ERFE: variants seen among roughly 807,000 people sequenced by gnomAD.
The protein encoded by ERFE is erythroferrone.
Under a neutral mutation model 26.6 loss-of-function variants are expected in ERFE, and 25 were observed. The ratio of observed to expected loss-of-function variants is 0.94; its 90% CI spans 0.69 to 1.31. The LOEUF (loss-of-function observed/expected upper bound fraction) is 1.31. Ranked by LOEUF, ERFE falls within the 40% of genes most tolerant of loss-of-function variation. ERFE has a pLI of 0.00. For missense variants in ERFE, 447 were observed against 440.2 expected (o/e 1.02, Z -0.14); for synonymous variants, 206 against 204.5 (o/e 1.01, Z -0.06).
chr2:238,162,934 G>T (rs559794971), intron 3 of ERFE, 96 bp downstream of exon 3: 2 of 961,774 alleles, frequency 2.1e-6, no homozygotes, highest in Admixed American at 5.1e-5. Context: ...TCAACACTTC[G>T]GCGGGCACCC....
chr2:238,162,919 C>A, intron 3 of ERFE, 81 bp downstream of exon 3: 2 of 1,123,100 alleles, frequency 1.8e-6, no homozygotes, highest in South Asian at 1.5e-5. Context: ...CTGACAGGGC[C>A]AACCTCAACA....
chr2:238,161,468 C>A, intron 1 of ERFE, 126 bp from the exon 2 acceptor site: 1 of 1,255,336 alleles, frequency 8.0e-7, no homozygotes, highest in East Asian at 2.8e-5. Context: ...TTTGAGGGCA[C>A]CACAGGTGAC....
intron 2 of ERFE, among the ~76,000 whole-genome samples, chr2:238,162,394 G>A (rs1692951622): frequency 6.6e-6 from 1 of 152,208 alleles, no homozygotes; most frequent in Non-Finnish European, 1.5e-5. Context: ...TGCTGATGGT[G>A]GACTCGGGCC....
chr2:238,162,857 T>C lies in ERFE; in HGVS notation c.424+19T>C, dbSNP rs1257110904. ...CTGAAAGGTAGGGGTGTGCACCGGC[T>C]GGGACACACACACCCCGCTGTGAGC... is the stretch of plus-strand genomic sequence containing the variant. On this transcript the variant is annotated intron_variant, in intron 3 of 7. Coordinates refer to ENST00000546354, the MANE Select transcript of ERFE (RefSeq NM_001291832.2). 1.3e-6 allele frequency: 2 copies of C among 1,527,674 alleles called. No homozygotes were observed. The highest frequency in any genetic ancestry group is 1.8e-6 in the Non-Finnish European group (2 of 1,127,488). 94.6% of individuals were successfully genotyped at this position (1,527,674 alleles called of 1,614,324 possible). A position where few individuals can be genotyped will look rare whatever the true frequency, so the allele number is the denominator to read the frequency against.
intron 7 of ERFE, 80 bp downstream of exon 7, chr2:238,165,764 G>A: frequency 7.6e-7 from 1 of 1,312,812 alleles, no homozygotes; most frequent in Non-Finnish European, 1.1e-6. Flanking sequence ...GGTGCTGTTA[G>A]ATGCTCAGGA....
rs973518743 is a variant in ERFE at position 238,164,283 on chromosome 2, G to A, written c.810G>A (p.Pro270=). 46 of 1,508,202 alleles carry A rather than the reference G, an allele frequency of 3.0e-5. No homozygotes were observed. In the African/African-American group the frequency reaches 5.6e-4, roughly 18 times the overall value. The allele number at this position is 1,508,202 out of a possible 1,614,324, so 93.4% of individuals were successfully genotyped here. The part of the protein sequence containing the change: ...AATLHVALGE[P]PRRGPPRPRD... ...CCTCCCCCGCAGCGCTCGGGGAGCC[G>A]CCGAGGAGGGGGCCGCCGCGCCCCC... The change falls in exon 6 of 8, where the codon CCG becomes CCA. Residue 270 remains proline, a synonymous_variant. Transcript: ENST00000546354.
chr2:238,162,914 A>G, intron 3 of ERFE, 76 bp downstream of exon 3: 2 of 1,198,526 alleles, frequency 1.7e-6, no homozygotes, highest in South Asian at 1.5e-5. Flanking sequence ...AGGAGCTGAC[A>G]GGGCCAACCT....
At chr2:238,163,713 C>A (rs549028065) in intron 3 of ERFE, 24 bp from the exon 4 acceptor site, 2 of 1,278,270 alleles carry the variant, frequency 1.6e-6, no homozygotes, top group South Asian at 2.6e-5. Context: ...CCCTGGCGCG[C>A]GGCCACCGCT....
rs1183075447 is a variant in ERFE, at chr2:238,167,421, CCT to C, written c.*372_*373del. ...CCTGTGCCCAGCCCCACCTTTTCCACCTCTCTTCATGTTCTCATGGAGTGCAA... is the reference window on the plus strand; with the variant it reads ...CCTGTGCCCAGCCCCACCTTTTCCACCTCTTCATGTTCTCATGGAGTGCAA... On this transcript the variant is annotated 3_prime_UTR_variant, in exon 8 of 8. Transcript: ENST00000546354. 4 of 527,526 alleles carry C rather than the reference CCT, an allele frequency of 7.6e-6. No individual in the cohort carries two copies. Among genetic ancestry groups the C allele is most frequent in the East Asian group, 9.8e-5 (2 of 20,366 alleles). The allele number at this position is 527,526 out of a possible 1,614,324, so 32.7% of individuals were successfully genotyped here.
chr2:238,167,295 A>G lies in ERFE; in HGVS notation c.*241A>G, dbSNP rs1231759650. 21 of 694,546 alleles carry G rather than the reference A, an allele frequency of 3.0e-5. No homozygotes were observed. In the East Asian group the frequency reaches 5.5e-4, roughly 18 times the overall value. 43.0% of individuals were successfully genotyped at this position (694,546 alleles called of 1,614,324 possible). ...CACCATCTTGGGCTCTTATCCAGGA[A>G]AGAAAGAGTCGGCGTGCCTGGGGGC... On this transcript the variant is annotated 3_prime_UTR_variant, in exon 8 of 8. Transcript: ENST00000546354.
intron 6 of ERFE, 76 bp downstream of exon 6, chr2:238,164,436 T>G: frequency 7.0e-7 from 1 of 1,425,996 alleles, no homozygotes; most frequent in Non-Finnish European, 9.6e-7. Context: ...AAACAGGCAC[T>G]GGACGGGGCT....
chr2:238,163,710 G>T lies in ERFE; in HGVS notation c.425-27G>T, dbSNP rs758546909. On this transcript the variant is annotated intron_variant, in intron 3 of 7. Coordinates refer to ENST00000546354, the MANE Select transcript of ERFE (RefSeq NM_001291832.2). ...GGCGGGCGGGTGAGGGGTCCCTGGC[G>T]CGCGGCCACCGCTCGCTCTGTGCCA... 6 of 1,276,982 alleles carry T rather than the reference G, an allele frequency of 4.7e-6. 1 individual carries two copies. In the South Asian group the frequency reaches 1.6e-4, roughly 34 times the overall value. The allele number at this position is 1,276,982 out of a possible 1,614,324, so 79.1% of individuals were successfully genotyped here.
In ERFE at chr2:238,163,874, C is replaced by T. The variant is rs1389566435; in HGVS notation, c.562C>T (p.Leu188=). Residue 188 remains leucine, a synonymous_variant, in exon 4 of 8, where the codon CTG becomes TTG. Transcript: ENST00000546354. ...DDDVVGDVLA[L]LAAPLAPGPR... ...CGACGTGGTGGGGGACGTGCTGGCACTGCTGGCCGCGCCCCTGGCCCCGGG... is the reference window on the plus strand; with the variant it reads ...CGACGTGGTGGGGGACGTGCTGGCATTGCTGGCCGCGCCCCTGGCCCCGGG... 7.6e-7 allele frequency: 1 copy of T among 1,316,446 alleles called. No homozygotes were observed. The highest frequency in any genetic ancestry group is 4.2e-5 in the Admixed American group (1 of 23,854). The allele number at this position is 1,316,446 out of a possible 1,614,324, so 81.5% of individuals were successfully genotyped here. A position where few individuals can be genotyped will look rare whatever the true frequency, so the allele number is the denominator to read the frequency against.
chr2:238,160,684 C>A (rs1381859898), intron 1 of ERFE, among the ~76,000 whole-genome samples: 1 of 152,182 alleles, frequency 6.6e-6, no homozygotes, highest in Non-Finnish European at 1.5e-5. Flanking sequence ...TGCATCCCCC[C>A]AGATCAGCCA....
chr2:238,168,214 T>G lies in ERFE; in HGVS notation c.*1160T>G. 2.8e-6 allele frequency: 1 copy of G among 355,492 alleles called. No individual in the cohort carries two copies. The highest frequency in any genetic ancestry group is 5.8e-6 in the Non-Finnish European group (1 of 172,882). The allele number at this position is 355,492 out of a possible 1,614,324, so 22.0% of individuals were successfully genotyped here. A position where few individuals can be genotyped will look rare whatever the true frequency, so the allele number is the denominator to read the frequency against. On this transcript the variant is annotated 3_prime_UTR_variant, in exon 8 of 8. Transcript: ENST00000546354. ...AGCTCTCATGAGGACACACAGGCTGTGAGCCCGCAGCCTCCTCAAATGTAG... is the reference window on the plus strand; with the variant it reads ...AGCTCTCATGAGGACACACAGGCTGGGAGCCCGCAGCCTCCTCAAATGTAG...
chr2:238,163,171 C>T (rs912380884), intron 3 of ERFE, among the ~76,000 whole-genome samples: 4 of 152,158 alleles, frequency 2.6e-5, no homozygotes, highest in Non-Finnish European at 5.9e-5. Flanking sequence ...GAGAGCCCAG[C>T]GAAAGGCAGA....
chr2:238,159,648 G>C lies in ERFE; in HGVS notation c.198+443G>C, dbSNP rs1180513049. Among the ~76,000 whole-genome samples the C allele has an allele frequency of 3.3e-5, 5 of 152,340 alleles. No individual in the cohort carries two copies. The East Asian group carries it at 9.6e-4, about 29-fold the overall frequency. On this transcript the variant is annotated intron_variant, in intron 1 of 7. Coordinates refer to ENST00000546354, the MANE Select transcript of ERFE (RefSeq NM_001291832.2). ...ATCTGGGGTCGGGGGGCTGTGCAGG[G>C]TGGGGAATGACATGTGGCTTTGAGT...
chr2:238,159,743 GT>G (rs921593289), intron 1 of ERFE, among the ~76,000 whole-genome samples: 2 of 152,212 alleles, frequency 1.3e-5, no homozygotes, highest in Non-Finnish European at 2.9e-5. Flanking sequence ...CCTCTCCAGG[GT>G]TTTGGAGCCT....
rs1219019328 is a variant in ERFE at position 238,168,489 on chromosome 2, C to T, written c.*1435C>T. On this transcript the variant is annotated 3_prime_UTR_variant, in exon 8 of 8. Coordinates refer to ENST00000546354, the MANE Select transcript of ERFE (RefSeq NM_001291832.2). The stretch of plus-strand genomic sequence containing the variant: ...CACCTTCACCTTCTAACTAACTAGC[C>T]TCCGGATGAGGTGGCTGCCACCAGG... The T allele has an allele frequency of 2.1e-6, 1 of 470,306 alleles. No homozygotes were observed. The highest frequency in any genetic ancestry group is 4.4e-6 in the Non-Finnish European group (1 of 226,614). The allele number at this position is 470,306 out of a possible 1,614,324, so 29.1% of individuals were successfully genotyped here. A position where few individuals can be genotyped will look rare whatever the true frequency, so the allele number is the denominator to read the frequency against.
Sources: allele counts gnomAD v4.1 joint callset (sites outside exome capture counted in the v4.1 genomes callset), GRCh38; gene constraint gnomAD v4.1.1; transcripts MANE v1.5; gene names NCBI Gene and HGNC (gene_info 2026-07-23, HGNC 2026-07-21).